TMTC4: variants seen among roughly 807,000 people sequenced by gnomAD.
TMTC4 encodes protein O-mannosyl-transferase TMTC4.
A neutral mutation model predicts 86.0 loss-of-function variants in TMTC4; 65 were observed. That is an observed-to-expected ratio of 0.76 (90% CI 0.62 to 0.93). TMTC4 has a LOEUF of 0.93. TMTC4 is among the 40% of genes least tolerant of loss of function. The pLI, the probability that TMTC4 is intolerant of heterozygous loss-of-function variation, is 0.00. For synonymous variants in TMTC4, 379 were observed against 382.5 expected, an observed-to-expected ratio of 0.99 and a Z score of 0.11; for missense variants, 866 against 948.1, an observed-to-expected ratio of 0.91 and a Z score of 1.14.
At chr13:100,623,389 T>C (rs1161543036) in intron 15 of TMTC4, among the ~76,000 whole-genome samples, 3 of 152,202 alleles carry the variant, frequency 2.0e-5, no homozygotes, top group African/African-American at 7.2e-5. Flanking sequence ...CGTACCACCA[T>C]GTCTGGCTAT....
chr13:100,636,038 T>C (rs566613682), intron 10 of TMTC4, among the ~76,000 whole-genome samples: 1 of 152,256 alleles, frequency 6.6e-6, no homozygotes, highest in Non-Finnish European at 1.5e-5. Context: ...TTCTTTTTCA[T>C]GAAACACATT....
chr13:100,657,875 C>A (rs1338702066), intron 5 of TMTC4, among the ~76,000 whole-genome samples: 1 of 152,122 alleles, frequency 6.6e-6, no homozygotes, highest in Non-Finnish European at 1.5e-5. Context: ...ATGCCGAGGA[C>A]CATTCGTCAC....
intron 3 of TMTC4, among the ~76,000 whole-genome samples, chr13:100,666,812 ACT>A (rs1263320166): frequency 6.6e-6 from 1 of 152,086 alleles, no homozygotes; most frequent in Non-Finnish European, 1.5e-5. Context: ...ACACAGTGAG[ACT>A]CTGTCTCTAC....
intron 6 of TMTC4, among the ~76,000 whole-genome samples, chr13:100,652,763 G>A (rs1457272904): frequency 6.6e-6 from 1 of 151,672 alleles, no homozygotes; most frequent in Non-Finnish European, 1.5e-5. Flanking sequence ...GGAAAGGAAG[G>A]AGAACCAGAA....
chr13:100,607,529 A>G (rs1211450054), intron 17 of TMTC4, among the ~76,000 whole-genome samples: 2 of 149,936 alleles, frequency 1.3e-5, no homozygotes, highest in African/African-American at 5.1e-5. Flanking sequence ...AAAAAAAAAA[A>G]AAATCGGTAT....
rs575425024 is a variant in TMTC4 at position 100,662,953 on chromosome 13, A to G, written c.552+11T>C. The G allele has an allele frequency of 1.8e-5, 29 of 1,612,958 alleles. No individual in the cohort carries two copies. The highest frequency in any genetic ancestry group is 2.3e-5 in the Non-Finnish European group (27 of 1,179,930). On this transcript the variant is annotated intron_variant, in intron 5 of 18. Transcript: ENST00000342624. ...ACGTGCATACAGATGCCTCGGGCAG[A>G]CGACACTTACACACTCGGTGTGCAC...
At chr13:100,664,068 C>T (rs958631276) in intron 4 of TMTC4, among the ~76,000 whole-genome samples, 153 bp downstream of exon 4, 1 of 152,138 alleles carries the variant, frequency 6.6e-6, no homozygotes, top group Non-Finnish European at 1.5e-5. Flanking sequence ...GCCTTCTCTG[C>T]ACCTAGAGAC....
intron 6 of TMTC4, among the ~76,000 whole-genome samples, chr13:100,646,552 A>G (rs1228173119): frequency 6.6e-6 from 1 of 152,204 alleles, no homozygotes; most frequent in Non-Finnish European, 1.5e-5. Context: ...CCGTTTCATT[A>G]AACTCTGGGT....
intron 15 of TMTC4, among the ~76,000 whole-genome samples, chr13:100,622,809 C>T (rs889417040): frequency 2.0e-5 from 3 of 152,054 alleles, no homozygotes; most frequent in South Asian, 2.1e-4. Flanking sequence ...TAAGTTTTAG[C>T]GTACATGTGC....
At chr13:100,664,435 CG>C in intron 3 of TMTC4, 99 bp from the exon 4 acceptor site, 1 of 765,920 alleles carries the variant, frequency 1.3e-6, no homozygotes, top group South Asian at 2.0e-5. Context: ...GGCCTCCTAG[CG>C]GGGATGCTGT....
At chr13:100,625,059 T>C (rs977904113) in intron 15 of TMTC4, 1 of 157,252 alleles carries the variant, frequency 6.4e-6, no homozygotes, top group African/African-American at 2.4e-5. Context: ...ATAAATCCCG[T>C]GCCCTCCAAA....
At chr13:100,609,053 C>G (rs1218102450) in intron 17 of TMTC4, among the ~76,000 whole-genome samples, 1 of 152,098 alleles carries the variant, frequency 6.6e-6, no homozygotes, top group East Asian at 1.9e-4. Context: ...GGAAGGGTAA[C>G]ATGGGAGATC....
intron 15 of TMTC4, chr13:100,614,830 T>G (rs942672448): frequency 3.4e-5 from 26 of 765,540 alleles, no homozygotes; most frequent in Non-Finnish European, 3.8e-5. Flanking sequence ...ATCATTAGTC[T>G]TTTTCACTAA....
intron 5 of TMTC4, 34 bp downstream of exon 5, chr13:100,662,930 G>T: frequency 1.2e-6 from 2 of 1,609,364 alleles, no homozygotes; most frequent in Non-Finnish European, 1.7e-6. Flanking sequence ...CGCTTCTCAC[G>T]TGCATACAGA....
At chr13:100,622,231 A>T (rs1459279577) in intron 15 of TMTC4, among the ~76,000 whole-genome samples, 1 of 152,248 alleles carries the variant, frequency 6.6e-6, no homozygotes, top group Non-Finnish European at 1.5e-5. Context: ...CCATTCCATG[A>T]GTTCAGCCAC....
chr13:100,647,745 C>T (rs1005829045), intron 6 of TMTC4, among the ~76,000 whole-genome samples: 1 of 152,158 alleles, frequency 6.6e-6, no homozygotes, highest in Admixed American at 6.5e-5. Context: ...ATGACACAGA[C>T]ACGAAAGTGA....
rs757281859 is a variant in TMTC4, at chr13:100,605,161, A to C, written c.2135-19T>G. On this transcript the variant is annotated intron_variant, in intron 18 of 18. Coordinates refer to ENST00000342624, the MANE Select transcript of TMTC4 (RefSeq NM_032813.5). This position sits in a 1 kb window ranked among gnomAD's most constrained non-coding sequence, Gnocchi z 4.3. ...AGCACAGCTGAAATAGCAGGAGATA[A>C]ATTTCACTGGGAATGCTTCTGAGTA... The C allele has an allele frequency of 6.2e-7, 1 of 1,605,812 alleles. No individual in the cohort carries two copies. Among genetic ancestry groups the C allele is most frequent in the East Asian group, 2.2e-5 (1 of 44,512 alleles).
intron 6 of TMTC4, among the ~76,000 whole-genome samples, chr13:100,655,833 G>C (rs1885041307): frequency 6.8e-6 from 1 of 147,424 alleles, no homozygotes; most frequent in South Asian, 2.3e-4. Context: ...ACCATGCCCT[G>C]AGTGGGCACT....
At chr13:100,667,088 C>T (rs1337962405) in intron 3 of TMTC4, among the ~76,000 whole-genome samples, 2 of 152,190 alleles carry the variant, frequency 1.3e-5, no homozygotes, top group African/African-American at 4.8e-5. Flanking sequence ...GAATCATCTA[C>T]AGTAACTGCT....
Sources: allele counts gnomAD v4.1 joint callset (sites outside exome capture counted in the v4.1 genomes callset), GRCh38; gene constraint gnomAD v4.1.1; non-coding constraint Gnocchi (gnomAD v3.1); transcripts MANE v1.5; gene names NCBI Gene and HGNC (gene_info 2026-07-23, HGNC 2026-07-21).